REDIC1: variants seen among roughly 807,000 people sequenced by gnomAD.
REDIC1 encodes HEI10 Interacting Protein 1.
the REDIC1 span, among the ~76,000 whole-genome samples, chr12:39,851,127 C>T: frequency 3.9e-5 from 6 of 151,992 alleles, no homozygotes; most frequent in Middle Eastern, 3.4e-3. Flanking sequence ...CTCGAACTCC[C>T]GACCTCAGAT....
chr12:39,754,038 T>A, the REDIC1 span, among the ~76,000 whole-genome samples: 1 of 152,164 alleles, frequency 6.6e-6, no homozygotes, highest in Admixed American at 6.6e-5. Flanking sequence ...ATGCACTCTT[T>A]TACAATGCAA....
chr12:39,713,982 TA>T, the REDIC1 span, among the ~76,000 whole-genome samples: 2 of 148,222 alleles, frequency 1.3e-5, no homozygotes, highest in Admixed American at 1.4e-4. Flanking sequence ...CATATACGTA[TA>T]TATACATGTA....
chr12:39,713,037 A>G, the REDIC1 span, among the ~76,000 whole-genome samples: 1 of 139,416 alleles, frequency 7.2e-6, no homozygotes, highest in Non-Finnish European at 1.5e-5. Flanking sequence ...GTATATGTAT[A>G]TATACATGTG....
At chr12:39,772,868 C>G in the REDIC1 span, among the ~76,000 whole-genome samples, 7 of 56,522 alleles carry the variant, frequency 1.2e-4, no homozygotes, top group Non-Finnish European at 3.4e-4. Flanking sequence ...GGCCAAGTAG[C>G]TCCTCATCAT....
the REDIC1 span, among the ~76,000 whole-genome samples, chr12:39,823,305 G>T: frequency 6.6e-6 from 1 of 152,112 alleles, no homozygotes; most frequent in Admixed American, 6.5e-5. Context: ...ACAGCTGGAG[G>T]TTTTTCTATC....
chr12:39,671,130 G>C, the REDIC1 span, among the ~76,000 whole-genome samples: 27 of 152,092 alleles, frequency 1.8e-4, no homozygotes, highest in African/African-American at 6.5e-4. Context: ...TTCTTTCATT[G>C]ATATATGAGC....
the REDIC1 span, among the ~76,000 whole-genome samples, chr12:39,779,633 A>C: frequency 6.6e-6 from 1 of 152,196 alleles, no homozygotes; most frequent in Admixed American, 6.5e-5. Flanking sequence ...CAATTTCTTC[A>C]CTACATTGTA....
the REDIC1 span, among the ~76,000 whole-genome samples, chr12:39,669,765 C>G: frequency 6.6e-6 from 1 of 152,222 alleles, no homozygotes; most frequent in African/African-American, 2.4e-5. Context: ...GGCGCCCCTC[C>G]CAGCCTGGCT....
At chr12:39,720,139 C>T in the REDIC1 span, among the ~76,000 whole-genome samples, 2 of 151,722 alleles carry the variant, frequency 1.3e-5, no homozygotes, top group African/African-American at 4.8e-5. Context: ...TTAAAAAGTT[C>T]TTAAAAAAAG....
the REDIC1 span, among the ~76,000 whole-genome samples, chr12:39,895,514 TTATA>T: frequency 0.045 from 2,527 of 56,420 alleles, 118 homozygotes; most frequent in Middle Eastern, 0.054. Flanking sequence ...AAAAAAAAAA[TTATA>T]TATATATATA....
At chr12:39,642,453 A>G in the REDIC1 span, among the ~76,000 whole-genome samples, 32 of 151,602 alleles carry the variant, frequency 2.1e-4, 1 homozygote, top group South Asian at 5.0e-3. Flanking sequence ...CCTATCCCCA[A>G]ACAATAATTT....
chr12:39,813,515 A>G, the REDIC1 span, among the ~76,000 whole-genome samples: 1 of 152,322 alleles, frequency 6.6e-6, no homozygotes, highest in Non-Finnish European at 1.5e-5. Context: ...TATCTCTGCA[A>G]GGACTTAAAA....
chr12:39,650,640 T>G, the REDIC1 span, among the ~76,000 whole-genome samples: 1 of 152,180 alleles, frequency 6.6e-6, no homozygotes, highest in Non-Finnish European at 1.5e-5. The surrounding 1 kb of genome is among the most constrained non-coding windows in gnomAD (Gnocchi z 4.3). Context: ...TACAATTATC[T>G]TAGCTCGCTG....
the REDIC1 span, among the ~76,000 whole-genome samples, chr12:39,809,569 A>G: frequency 6.6e-6 from 1 of 152,194 alleles, no homozygotes; most frequent in Admixed American, 6.5e-5. Context: ...GGTTTGTTAC[A>G]TATGTACACA....
chr12:39,702,200 T>TA, the REDIC1 span, among the ~76,000 whole-genome samples: 2 of 149,838 alleles, frequency 1.3e-5, no homozygotes, highest in African/African-American at 2.5e-5. Context: ...GCAAGACTAA[T>TA]AAAAAAAGAG....
the REDIC1 span, chr12:39,720,979 A>G: frequency 0.01 from 16,691 of 1,613,806 alleles, 96 homozygotes; most frequent in Non-Finnish European, 0.013. Context: ...GAAAAATAAT[A>G]CAGATCAGTT....
chr12:39,744,310 T>G, the REDIC1 span, among the ~76,000 whole-genome samples: 2 of 152,252 alleles, frequency 1.3e-5, no homozygotes, highest in Non-Finnish European at 2.9e-5. Flanking sequence ...ACACCTGACT[T>G]GCAAAAATTG....
chr12:39,741,781 T>C, the REDIC1 span, among the ~76,000 whole-genome samples: 4 of 152,160 alleles, frequency 2.6e-5, no homozygotes, highest in African/African-American at 4.8e-5. Flanking sequence ...CTTTAATTTG[T>C]AATTGGTTAA....
the REDIC1 span, among the ~76,000 whole-genome samples, chr12:39,714,214 TACGTATATGC>T: frequency 6.5e-5 from 2 of 30,712 alleles, no homozygotes; most frequent in African/African-American, 1.3e-4. Context: ...TACATGCATA[TACGTATATGC>T]ATGCATATAT....
Sources: allele counts gnomAD v4.1 joint callset (sites outside exome capture counted in the v4.1 genomes callset), GRCh38; gene constraint gnomAD v4.1.1; non-coding constraint Gnocchi (gnomAD v3.1); transcripts MANE v1.5; gene names NCBI Gene and HGNC (gene_info 2026-07-23, HGNC 2026-07-21).